The following STK3 variants were observed in gnomAD, a reference collection of about 807,000 sequenced individuals.
The protein encoded by STK3 is serine/threonine kinase 3, also known as serine/threonine-protein kinase 3.
Under a neutral mutation model 58.0 loss-of-function variants are expected in STK3, and 41 were observed. The observed-to-expected ratio is 0.71, with a 90% CI of 0.55 to 0.92. The LOEUF (loss-of-function observed/expected upper bound fraction) is 0.92. Among genes scored for constraint, STK3 ranks in the 40% least tolerant of loss-of-function variants. STK3 has a pLI of 0.00. For synonymous variants in STK3, 170 were observed against 191.0 expected (o/e 0.89, Z 0.91); for missense variants, 479 against 602.7 (o/e 0.79, Z 2.15).
chr8:98,689,925 G>A (rs1313504013), intron 6 of STK3, among the ~76,000 whole-genome samples: 1 of 152,030 alleles, frequency 6.6e-6, no homozygotes, highest in Non-Finnish European at 1.5e-5. Context: ...ACCACATAAG[G>A]AGAATTAAAA....
rs572438128 is a variant in STK3, at chr8:98,435,457, C to T, written n.292-1139G>A. On this transcript the variant is annotated intron_variant and non_coding_transcript_variant, in intron 2 of 3. Coordinates refer to the STK3 transcript ENST00000517832. ...TGTCACCAGGGTACAGATATCCTGACCAGATGAATGTTGTCAGAATATGAC... is the reference window on the plus strand; with the variant it reads ...TGTCACCAGGGTACAGATATCCTGATCAGATGAATGTTGTCAGAATATGAC... 2.0e-5 allele frequency among the ~76,000 whole-genome samples: 3 copies of T among 152,262 alleles called. No homozygotes were observed. In the South Asian group the frequency reaches 6.2e-4, roughly 32 times the overall value.
intron 6 of STK3, among the ~76,000 whole-genome samples, chr8:98,690,894 T>C (rs1244749132): frequency 1.3e-5 from 2 of 152,102 alleles, no homozygotes; most frequent in Admixed American, 1.3e-4. Flanking sequence ...AATAATGGGA[T>C]CATGTCCTTT....
chr8:98,812,333 A>G (rs1834281382), intron 1 of STK3, among the ~76,000 whole-genome samples: 2 of 152,172 alleles, frequency 1.3e-5, no homozygotes, highest in South Asian at 2.1e-4. Flanking sequence ...CAAAACCACA[A>G]TGTGATACCA....
At chr8:98,521,864 A>G (rs575552506) in intron 10 of STK3, among the ~76,000 whole-genome samples, 1 of 152,250 alleles carries the variant, frequency 6.6e-6, no homozygotes, top group East Asian at 1.9e-4. Context: ...TTATAATTTC[A>G]TATACAACTC....
intron 3 of STK3, among the ~76,000 whole-genome samples, chr8:98,868,208 A>C (rs1293192561): frequency 6.6e-6 from 1 of 152,262 alleles, no homozygotes; most frequent in Non-Finnish European, 1.5e-5. Context: ...TTGTCTGCCA[A>C]ACAAAATACC....
At chr8:98,581,204 A>G (rs1487782013) in intron 7 of STK3, among the ~76,000 whole-genome samples, 1 of 152,124 alleles carries the variant, frequency 6.6e-6, no homozygotes, top group African/African-American at 2.4e-5. Flanking sequence ...CTTGTTACTA[A>G]TGGATAAGGG....
intron 6 of STK3, among the ~76,000 whole-genome samples, chr8:98,696,360 C>A (rs1042899023): frequency 6.6e-6 from 1 of 151,412 alleles, no homozygotes; most frequent in African/African-American, 2.4e-5. Context: ...CCTTCTCCTG[C>A]CTAATTGCCC....
intron 3 of STK3, among the ~76,000 whole-genome samples, chr8:98,409,674 G>T (rs1818034439): frequency 6.6e-6 from 1 of 152,244 alleles, no homozygotes; most frequent in Admixed American, 6.5e-5. Flanking sequence ...CTGTCCTGTT[G>T]TAACTTATGT....
At chr8:98,830,651 G>C (rs1835492576), upstream of STK3, among the ~76,000 whole-genome samples, 1 of 152,116 alleles carries the variant, frequency 6.6e-6, no homozygotes, top group South Asian at 2.1e-4. Flanking sequence ...ACAGGTAAGG[G>C]TCACCCAGCT....
chr8:98,864,772 A>G (rs1837072156), intron 3 of STK3, among the ~76,000 whole-genome samples: 1 of 152,206 alleles, frequency 6.6e-6, no homozygotes, highest in Non-Finnish European at 1.5e-5. Context: ...CTGTCACATA[A>G]CACTCTGAAC....
At chr8:98,818,932 T>C (rs1834721846) in intron 1 of STK3, among the ~76,000 whole-genome samples, 1 of 152,170 alleles carries the variant, frequency 6.6e-6, no homozygotes, top group Non-Finnish European at 1.5e-5. Context: ...ACGATTCTCC[T>C]GCCTCAGCCT....
intron 3 of STK3, among the ~76,000 whole-genome samples, chr8:98,411,929 T>C (rs950741274): frequency 6.6e-6 from 1 of 152,208 alleles, no homozygotes; most frequent in Non-Finnish European, 1.5e-5. Context: ...TATTCCATCT[T>C]GCTTGCAGAA....
chr8:98,791,391 C>A (rs375562127), intron 1 of STK3, among the ~76,000 whole-genome samples: 1 of 152,156 alleles, frequency 6.6e-6, no homozygotes, highest in African/African-American at 2.4e-5. Context: ...AATGACCATA[C>A]TGCCAAAAGC....
At chr8:98,407,762 G>GCA (rs1554587224) in intron 3 of STK3, among the ~76,000 whole-genome samples, 50 of 149,310 alleles carry the variant, frequency 3.3e-4, no homozygotes, top group Non-Finnish European at 5.5e-4. Flanking sequence ...GTGTGTGCGC[G>GCA]CGCGCGCGCA....
chr8:98,591,669 G>A lies in STK3; in HGVS notation c.822+4363C>T, dbSNP rs78208158. On this transcript the variant is annotated intron_variant, in intron 7 of 10. Transcript: ENST00000419617. ...GAGTACAAATGAAATTGGACATACC[G>A]AGATTTTGAGATTAAGAATGTTAAG... 3.1e-4 allele frequency among the ~76,000 whole-genome samples: 47 copies of A among 152,242 alleles called. 1 individual carries two copies. The East Asian group carries it at 9.1e-3, about 29-fold the overall frequency.
intron 6 of STK3, chr8:98,598,076 C>T (rs887385428): frequency 2.0e-6 from 2 of 985,386 alleles, no homozygotes; most frequent in South Asian, 9.4e-5. Flanking sequence ...AAAGGACTTA[C>T]ATAAGCCCCT....
At chr8:98,930,254 G>T (rs1839959130) in intron 1 of STK3, among the ~76,000 whole-genome samples, 1 of 152,182 alleles carries the variant, frequency 6.6e-6, no homozygotes. Context: ...GGAACTCCAG[G>T]TTCCTGTTCT....
chr8:98,589,881 C>T (rs954505255), intron 7 of STK3, among the ~76,000 whole-genome samples: 13 of 152,242 alleles, frequency 8.5e-5, no homozygotes, highest in Admixed American at 2.6e-4. Flanking sequence ...TCCGTCACTC[C>T]TTTCTTTGAC....
intron 10 of STK3, among the ~76,000 whole-genome samples, chr8:98,459,948 G>A (rs1397397205): frequency 6.6e-6 from 1 of 152,228 alleles, no homozygotes; most frequent in Non-Finnish European, 1.5e-5. Flanking sequence ...GAAGGGAAAT[G>A]TGGGGTTGGA....
Sources: allele counts gnomAD v4.1 joint callset (sites outside exome capture counted in the v4.1 genomes callset), GRCh38; gene constraint gnomAD v4.1.1; transcripts MANE v1.5; gene names NCBI Gene and HGNC (gene_info 2026-07-23, HGNC 2026-07-21).